The following DNLZ variants were observed in gnomAD, a reference collection of about 807,000 sequenced individuals.
DNLZ encodes DNL-type zinc finger.
Under a neutral mutation model 7.8 loss-of-function variants are expected in DNLZ, and 15 were observed. That is an observed-to-expected ratio of 1.91 (90% CI 1.28 to 2.95). The LOEUF (loss-of-function observed/expected upper bound fraction) is 2.95, where lower values mean the gene tolerates loss of function less well. Among genes scored for constraint, DNLZ ranks in the 30% most tolerant of loss-of-function variants. The probability of loss-of-function intolerance (pLI) is 0.00; values close to 1 mark genes in which losing one functional copy is unlikely to be tolerated. For missense variants in DNLZ, 255 were observed against 167.3 expected (o/e 1.52, Z -2.89); for synonymous variants, 123 against 77.8 (o/e 1.58, Z -3.05).
chr9:136,361,352 G>A lies in DNLZ; in HGVS notation c.*660C>T, dbSNP rs1832977369. On this transcript the variant is annotated 3_prime_UTR_variant, in exon 3 of 3. Coordinates refer to ENST00000371738, the MANE Select transcript of DNLZ (RefSeq NM_001080849.3). ...GCTTTCATAAACACGGGAACATCCT[G>A]CGCACAGACAAGGCTGGGAGACAAA... 6.6e-6 allele frequency: 1 copy of A among 152,326 alleles called. No individual in the cohort carries two copies. The highest frequency in any genetic ancestry group is 2.4e-5 in the African/African-American group (1 of 41,476). 9.4% of individuals were successfully genotyped at this position (152,326 alleles called of 1,614,324 possible).
intron 1 of DNLZ, 31 bp from the exon 2 acceptor site, chr9:136,363,159 T>C (rs1471744673): frequency 1.2e-6 from 2 of 1,608,802 alleles, no homozygotes; most frequent in Admixed American, 3.3e-5. Flanking sequence ...GGTGAGGCTG[T>C]GAGGGCCGCC....
chr9:136,363,028 G>A lies in DNLZ; in HGVS notation c.329C>T (p.Ala110Val), dbSNP rs1833011164. Residue 110 changes from alanine to valine, a missense_variant, in exon 2 of 3, where the codon GCT (alanine) becomes GTT (valine). Ala to Val is a moderately conservative substitution (Grantham distance 64). Coordinates refer to ENST00000371738, the MANE Select transcript of DNLZ (RefSeq NM_001080849.3). Reference protein sequence around the residue: ...CPGCQNHHIIADNLGWFSDLN... With the variant: ...CPGCQNHHIIVDNLGWFSDLN... The stretch of plus-strand genomic sequence containing the variant: ...GTCCGAGAACCAGCCCAGGTTGTCA[G>A]CGATGATATGGTGGTTCTGGCAGCC... 6.2e-7 allele frequency: 1 copy of A among 1,613,730 alleles called. No homozygotes were observed. Among genetic ancestry groups the A allele is most frequent in the African/African-American group, 1.3e-5 (1 of 74,950 alleles).
chr9:136,362,920 A>C, intron 2 of DNLZ, 69 bp downstream of exon 2: 1 of 1,487,882 alleles, frequency 6.7e-7, no homozygotes, highest in Non-Finnish European at 9.3e-7. Context: ...CACTAGGGCA[A>C]GGTTCCCCCA....
In DNLZ at chr9:136,361,418, TGTCCACCGA is replaced by T. The variant is rs1306778338; in HGVS notation, c.*585_*593del. On this transcript the variant is annotated 3_prime_UTR_variant, in exon 3 of 3. Transcript: ENST00000371738. ...AGGGCCCTGGGGACGTCCAGAGCGC[TGTCCACCGA>T]GGGAAGGAGGCCCAGGTGGCTCCCC... The T allele has an allele frequency of 6.6e-6, 1 of 152,292 alleles. No individual in the cohort carries two copies. The highest frequency in any genetic ancestry group is 1.5e-5 in the Non-Finnish European group (1 of 68,082). The allele number at this position is 152,292 out of a possible 1,614,324, so 9.4% of individuals were successfully genotyped here.
Position 136,361,398 on chromosome 9 carries a change from C to T in DNLZ, c.*614G>A, listed in dbSNP as rs1272440586. On this transcript the variant is annotated 3_prime_UTR_variant, in exon 3 of 3. Coordinates refer to ENST00000371738, the MANE Select transcript of DNLZ (RefSeq NM_001080849.3). ...ACAAACCCCACACACCTCGGAGGGC[C>T]CTGGGGACGTCCAGAGCGCTGTCCA... 1 of 152,342 alleles carries T rather than the reference C, an allele frequency of 6.6e-6. No homozygotes were observed. Among genetic ancestry groups the T allele is most frequent in the Non-Finnish European group, 1.5e-5 (1 of 68,086 alleles). The allele number at this position is 152,342 out of a possible 1,614,324, so 9.4% of individuals were successfully genotyped here.
In DNLZ at chr9:136,363,540, C is replaced by T; in HGVS notation, c.175G>A (p.Ala59Thr). 1.4e-6 allele frequency: 1 copy of T among 727,838 alleles called. No homozygotes were observed. The highest frequency in any genetic ancestry group is 2.5e-6 in the Non-Finnish European group (1 of 400,636). The allele number at this position is 727,838 out of a possible 1,614,324, so 45.1% of individuals were successfully genotyped here. Residue 59 changes from alanine to threonine, a missense_variant, in exon 1 of 3, where the codon GCG (alanine) becomes ACG (threonine). By Grantham distance (58) the Ala-to-Thr change is moderately conservative. Coordinates refer to ENST00000371738, the MANE Select transcript of DNLZ (RefSeq NM_001080849.3). The stretch of plus-strand genomic sequence containing the variant: ...GCCGCCTCCACGCGCCCCAGAGCCG[C>T]CGCGGGCCCCGGCCCCTGCTCGGAG... ...SSSEQGPGPA[A>T]ALGRVEAAHY...
In DNLZ at chr9:136,362,986, C is replaced by T. The variant is rs185565131; in HGVS notation, c.368+3G>A. 30 of 1,613,600 alleles carry T rather than the reference C, an allele frequency of 1.9e-5. No homozygotes were observed. The highest frequency in any genetic ancestry group is 1.6e-4 in the Middle Eastern group (1 of 6,062). ...TGGCCCAGCCCTGGGGTACAGGCCT[C>T]ACCTCTTCCCATTCAGGTCCGAGAA... On this transcript the variant is annotated splice_donor_region_variant and intron_variant, in intron 2 of 2. Transcript: ENST00000371738.
At position 136,362,060 on chromosome 9, in the gene DNLZ, C is replaced by T. The variant is rs747518316; in HGVS notation, c.489G>A (p.Ala163=). 25 of 1,422,170 alleles carry T rather than the reference C, an allele frequency of 1.8e-5. No individual in the cohort carries two copies. Among genetic ancestry groups the T allele is most frequent in the Admixed American group, 2.9e-5 (1 of 34,014 alleles). 88.1% of individuals were successfully genotyped at this position (1,422,170 alleles called of 1,614,324 possible). The part of the protein sequence containing the change: ...GAPTSTAAPE[A]GEDEGPPSPG... ...GGCTGGGGGGACCCTCATCCTCACC[C>T]GCTTCCGGAGCTGCAGTGGATGTGG... The change falls in exon 3 of 3, where the codon GCG becomes GCA. Residue 163 remains alanine (A), a synonymous_variant. Transcript: ENST00000371738.
In DNLZ at chr9:136,362,089, C is replaced by T. The variant is rs3812554; in HGVS notation, c.460G>A (p.Ala154Thr). The T allele has an allele frequency of 0.098, 143,035 of 1,464,030 alleles. 7,608 individuals carry two copies. The highest frequency in any genetic ancestry group is 0.12 in the East Asian group (4,225 of 36,602). 90.7% of individuals were successfully genotyped at this position (1,464,030 alleles called of 1,614,324 possible). Residue 154 changes from alanine to threonine, a missense_variant, in exon 3 of 3, where the codon GCC (alanine) becomes ACC (threonine). Ala to Thr is a moderately conservative substitution (Grantham distance 58). Transcript: ENST00000371738. ...TCCGGAGCTGCAGTGGATGTGGGGGCCCCTGCAGCCTCCAGAACCAGTTCC... is the reference window on the plus strand; with the variant it reads ...TCCGGAGCTGCAGTGGATGTGGGGGTCCCTGCAGCCTCCAGAACCAGTTCC... Reference protein sequence around the residue: ...ALELVLEAAGAPTSTAAPEAG... With the variant: ...ALELVLEAAGTPTSTAAPEAG...
chr9:136,362,263 G>A (rs942978368), intron 2 of DNLZ, 83 bp from the exon 3 acceptor site: 3 of 1,254,032 alleles, frequency 2.4e-6, no homozygotes, highest in Non-Finnish European at 3.1e-6. Flanking sequence ...CCCATGGCCA[G>A]GCCAGAGCTG....
Position 136,359,821 on chromosome 9 carries a change from C to G in DNLZ, c.*2191G>C, listed in dbSNP as rs868084135. 1.4e-4 allele frequency: 22 copies of G among 152,280 alleles called. No individual in the cohort carries two copies. Among genetic ancestry groups the G allele is most frequent in the Non-Finnish European group, 2.8e-4 (19 of 68,102 alleles). 9.4% of individuals were successfully genotyped at this position (152,280 alleles called of 1,614,324 possible). A position where few individuals can be genotyped will look rare whatever the true frequency, so the allele number is the denominator to read the frequency against. ...ACCCCTACCTCCTCACGCTCCCAGC[C>G]CCTAGGGAAACAGAGCATGCTCTGA... is the stretch of plus-strand genomic sequence containing the variant. On this transcript the variant is annotated 3_prime_UTR_variant, in exon 3 of 3. Coordinates refer to ENST00000371738, the MANE Select transcript of DNLZ (RefSeq NM_001080849.3).
Position 136,361,946 on chromosome 9 carries a change from G to C in DNLZ, c.*66C>G. 3 of 1,178,468 alleles carry C rather than the reference G, an allele frequency of 2.5e-6. No homozygotes were observed. The highest frequency in any genetic ancestry group is 3.2e-6 in the Non-Finnish European group (3 of 927,958). 73.0% of individuals were successfully genotyped at this position (1,178,468 alleles called of 1,614,324 possible). A position where few individuals can be genotyped will look rare whatever the true frequency, so the allele number is the denominator to read the frequency against. ...ATTGATAGAAAACAGGCCACGTCCA[G>C]AGAGGCCCAGGGCCAAAACCTCCTT... On this transcript the variant is annotated 3_prime_UTR_variant, in exon 3 of 3. Coordinates refer to ENST00000371738, the MANE Select transcript of DNLZ (RefSeq NM_001080849.3).
At position 136,363,484 on chromosome 9, in the gene DNLZ, T is replaced by G; in HGVS notation, c.228+3A>C. 1.3e-6 allele frequency: 1 copy of G among 759,510 alleles called. No individual in the cohort carries two copies. The highest frequency in any genetic ancestry group is 2.4e-6 in the Non-Finnish European group (1 of 415,214). The allele number at this position is 759,510 out of a possible 1,614,324, so 47.0% of individuals were successfully genotyped here. On this transcript the variant is annotated splice_donor_region_variant and intron_variant, in intron 1 of 2. Coordinates refer to ENST00000371738, the MANE Select transcript of DNLZ (RefSeq NM_001080849.3). Reference sequence around the variant, plus strand: ...CCCCGGTTCCGTCCCGCCGCGCGCCTACCTTGCAGGTGTAGACGAGCTGGT... The same window carrying G: ...CCCCGGTTCCGTCCCGCCGCGCGCCGACCTTGCAGGTGTAGACGAGCTGGT...
Position 136,363,718 on chromosome 9 carries a change from G to C in DNLZ, c.-4C>G. ...CGCGCAGCGCAGTCCGCAGCATCCC[G>C]CTCGCCGGCTCCGTCCGCCCTGCCC... On this transcript the variant is annotated 5_prime_UTR_variant, in exon 1 of 3. Coordinates refer to ENST00000371738, the MANE Select transcript of DNLZ (RefSeq NM_001080849.3). The C allele has an allele frequency of 2.3e-6, 1 of 442,048 alleles. No individual in the cohort carries two copies. Among genetic ancestry groups the C allele is most frequent in the Non-Finnish European group, 3.9e-6 (1 of 254,522 alleles). The allele number at this position is 442,048 out of a possible 1,614,324, so 27.4% of individuals were successfully genotyped here.
Position 136,361,494 on chromosome 9 carries a change from C to G in DNLZ, c.*518G>C, listed in dbSNP as rs947223810. ...CTCCTAACACACGGCCACGCCATAG[C>G]TGCTCGTCCTGCCTGGGCCAGCAGG... On this transcript the variant is annotated 3_prime_UTR_variant, in exon 3 of 3. Coordinates refer to ENST00000371738, the MANE Select transcript of DNLZ (RefSeq NM_001080849.3). 6.6e-6 allele frequency: 1 copy of G among 152,586 alleles called. No homozygotes were observed. The highest frequency in any genetic ancestry group is 2.4e-5 in the African/African-American group (1 of 41,474). 9.5% of individuals were successfully genotyped at this position (152,586 alleles called of 1,614,324 possible). A position where few individuals can be genotyped will look rare whatever the true frequency, so the allele number is the denominator to read the frequency against.
Position 136,362,085 on chromosome 9 carries a change from G to GGGGC in DNLZ, c.460_463dup (p.Pro155ArgfsTer12). The GGGGC allele has an allele frequency of 6.9e-7, 1 of 1,457,642 alleles. No homozygotes were observed. Among genetic ancestry groups the GGGGC allele is most frequent in the Non-Finnish European group, 9.1e-7 (1 of 1,100,988 alleles). 90.3% of individuals were successfully genotyped at this position (1,457,642 alleles called of 1,614,324 possible). Reference sequence around the variant, plus strand: ...CGCTTCCGGAGCTGCAGTGGATGTGGGGGCCCCTGCAGCCTCCAGAACCAG... The same window carrying GGGGC: ...CGCTTCCGGAGCTGCAGTGGATGTGGGGGCGGGCCCCTGCAGCCTCCAGAACCAG... On this transcript the variant is annotated frameshift_variant, in exon 3 of 3. Coordinates refer to ENST00000371738, the MANE Select transcript of DNLZ (RefSeq NM_001080849.3). LOFTEE classifies it low-confidence loss of function (END_TRUNC).
Position 136,359,553 on chromosome 9 carries a change from G to A in DNLZ, c.*2459C>T, listed in dbSNP as rs915913722. 4 of 152,336 alleles carry A rather than the reference G, an allele frequency of 2.6e-5. No individual in the cohort carries two copies. The highest frequency in any genetic ancestry group is 9.7e-5 in the African/African-American group (4 of 41,432). The allele number at this position is 152,336 out of a possible 1,614,324, so 9.4% of individuals were successfully genotyped here. A position where few individuals can be genotyped will look rare whatever the true frequency, so the allele number is the denominator to read the frequency against. On this transcript the variant is annotated 3_prime_UTR_variant, in exon 3 of 3. Transcript: ENST00000371738. ...CAATGGGTCCTTTCCAACCCAAGAG[G>A]TACATTTGTTTTTCTGTTTTTCCTG...
At chr9:136,362,920 A>T in intron 2 of DNLZ, 69 bp downstream of exon 2, 1 of 1,487,878 alleles carries the variant, frequency 6.7e-7, no homozygotes, top group South Asian at 1.1e-5. Flanking sequence ...CACTAGGGCA[A>T]GGTTCCCCCA....
In DNLZ at chr9:136,363,047, G is replaced by A. The variant is rs1352614834; in HGVS notation, c.310C>T (p.Gln104Ter). The change falls in exon 2 of 3, where the codon CAG (glutamine) becomes TAG (stop). Residue 104 changes from glutamine to a stop codon, truncating the protein, a stop_gained. Transcript: ENST00000371738. LOFTEE classifies it high-confidence loss of function. Reference sequence around the variant, plus strand: ...TTGTCAGCGATGATATGGTGGTTCTGGCAGCCGGGGCAGGTCACAATGACC... The same window carrying A: ...TTGTCAGCGATGATATGGTGGTTCTAGCAGCCGGGGCAGGTCACAATGACC... The part of the protein sequence containing the change: ...GVVIVTCPGC[Q>*]NHHIIADNLG... 2.2e-5 allele frequency: 35 copies of A among 1,613,688 alleles called. No homozygotes were observed. Among genetic ancestry groups the A allele is most frequent in the Non-Finnish European group, 2.8e-5 (33 of 1,179,986 alleles).
Sources: allele counts gnomAD v4.1 joint callset, GRCh38; gene constraint gnomAD v4.1.1; transcripts MANE v1.5; gene names NCBI Gene and HGNC (gene_info 2026-07-23, HGNC 2026-07-21).